The following ZNF676 variants were observed in gnomAD, a reference collection of about 807,000 sequenced individuals.
ZNF676 encodes the protein zinc finger protein 676.
Under a neutral mutation model 6.0 loss-of-function variants are expected in ZNF676, and 4 were observed. That is an observed-to-expected ratio of 0.67 (90% confidence interval 0.33 to 1.53). The LOEUF (loss-of-function observed/expected upper bound fraction) is 1.53. ZNF676 is among the 40% of genes most tolerant of loss of function. ZNF676 has a pLI of 0.06. For synonymous variants in ZNF676, 198 were observed against 223.1 expected (o/e 0.89, Z 1.00); for missense variants, 644 against 679.7 (o/e 0.95, Z 0.58).
rs1345612900 is a variant in ZNF676 at position 22,191,363 on chromosome 19, A to T, written c.130+1653T>A. On this transcript the variant is annotated intron_variant, in intron 2 of 2. Coordinates refer to ENST00000397121, the MANE Select transcript of ZNF676 (RefSeq NM_001001411.3). The stretch of plus-strand genomic sequence containing the variant: ...TGAACTTACTCTGTAACCATCCCAA[A>T]CTCCTCCCAGCCACAGTCTGTGAGA... Among the ~76,000 whole-genome samples, 4 of 151,668 alleles carry T rather than the reference A, an allele frequency of 2.6e-5. No individual in the cohort carries two copies. In the East Asian group the frequency reaches 7.8e-4, roughly 30 times the overall value.
the ZNF676 span, among the ~76,000 whole-genome samples, chr19:22,251,354 A>G: frequency 1.3e-5 from 2 of 152,216 alleles, no homozygotes; most frequent in Admixed American, 1.3e-4. Flanking sequence ...GAACTATGGT[A>G]CACCTGTTGT....
intron 2 of ZNF676, among the ~76,000 whole-genome samples, chr19:22,186,898 C>G (rs1355799642): frequency 2.6e-5 from 4 of 152,098 alleles, no homozygotes; most frequent in African/African-American, 9.7e-5. Flanking sequence ...TCTTAAAGAC[C>G]TACAAAGAAA....
chr19:22,252,376 C>T, the ZNF676 span, among the ~76,000 whole-genome samples: 1 of 128,006 alleles, frequency 7.8e-6, no homozygotes, highest in Non-Finnish European at 1.6e-5. Flanking sequence ...GCCTGGGCAA[C>T]AGAGTGAGAC....
At chr19:22,235,806 A>G in the ZNF676 span, among the ~76,000 whole-genome samples, 1 of 152,116 alleles carries the variant, frequency 6.6e-6, no homozygotes, top group Admixed American at 6.6e-5. Context: ...GTAAAGGTGT[A>G]TTGCTGGCCT....
Position 22,179,719 on chromosome 19 carries a change from T to G in ZNF676, c.*231A>C. On this transcript the variant is annotated 3_prime_UTR_variant, in exon 3 of 3. Coordinates refer to ENST00000397121, the MANE Select transcript of ZNF676 (RefSeq NM_001001411.3). ...GCATTTGTAGGGTTTCTCTCCAGTA[T>G]GAATTCTCTTATGTTCCACAAGGTT... 1.3e-6 allele frequency: 1 copy of G among 747,344 alleles called. No homozygotes were observed. The highest frequency in any genetic ancestry group is 2.4e-6 in the Non-Finnish European group (1 of 412,096). The allele number at this position is 747,344 out of a possible 1,614,324, so 46.3% of individuals were successfully genotyped here. A position where few individuals can be genotyped will look rare whatever the true frequency, so the allele number is the denominator to read the frequency against.
the ZNF676 span, among the ~76,000 whole-genome samples, chr19:22,251,459 C>T: frequency 6.6e-6 from 1 of 152,062 alleles, no homozygotes; most frequent in Admixed American, 6.6e-5. Flanking sequence ...TCTCTGACTG[C>T]AGCTCAAAAG....
At chr19:22,191,660 T>C (rs1449048948) in intron 2 of ZNF676, among the ~76,000 whole-genome samples, 1 of 152,170 alleles carries the variant, frequency 6.6e-6, no homozygotes, top group Non-Finnish European at 1.5e-5. Flanking sequence ...CCCTAGCGTC[T>C]ACCCTACTGA....
the ZNF676 span, among the ~76,000 whole-genome samples, chr19:22,258,769 C>A: frequency 6.6e-6 from 1 of 152,098 alleles, no homozygotes; most frequent in African/African-American, 2.4e-5. Context: ...AGATTCCCAT[C>A]ACCTAGGTCC....
At chr19:22,215,889 T>C (rs1261284564), upstream of ZNF676, among the ~76,000 whole-genome samples, 3 of 150,960 alleles carry the variant, frequency 2.0e-5, no homozygotes, top group Non-Finnish European at 4.4e-5. Flanking sequence ...AGGCCCTGAG[T>C]GACAGAAGAT....
At chr19:22,224,142 T>C in the ZNF676 span, among the ~76,000 whole-genome samples, 1 of 149,724 alleles carries the variant, frequency 6.7e-6, no homozygotes, top group Non-Finnish European at 1.5e-5. Flanking sequence ...AGTCAAATAT[T>C]GTAGTTATCT....
chr19:22,247,188 T>C, the ZNF676 span, among the ~76,000 whole-genome samples: 1 of 152,034 alleles, frequency 6.6e-6, no homozygotes, highest in Non-Finnish European at 1.5e-5. Context: ...CAGTACAGTC[T>C]CTCCTAAGAC....
At chr19:22,208,279 C>CAA (rs59454778) in intron 1 of ZNF676, among the ~76,000 whole-genome samples, 1,568 of 143,180 alleles carry the variant, frequency 0.011, 12 homozygotes, top group Non-Finnish European at 0.015. Flanking sequence ...AAAAGAAGAC[C>CAA]AAAAAAAAAA....
intron 1 of ZNF676, among the ~76,000 whole-genome samples, chr19:22,212,126 G>A (rs1436809683): frequency 2.7e-5 from 4 of 150,024 alleles, no homozygotes; most frequent in African/African-American, 7.4e-5. Flanking sequence ...TGTGAACCTG[G>A]GAGGCGAAGC....
At chr19:22,211,940 C>T (rs1324270795) in intron 1 of ZNF676, among the ~76,000 whole-genome samples, 1 of 152,068 alleles carries the variant, frequency 6.6e-6, no homozygotes, top group East Asian at 1.9e-4. Context: ...TGGCTCACAC[C>T]TGTAATCTCA....
At chr19:22,254,006 G>A in the ZNF676 span, among the ~76,000 whole-genome samples, 2 of 152,104 alleles carry the variant, frequency 1.3e-5, no homozygotes, top group Non-Finnish European at 2.9e-5. Flanking sequence ...GCTGGTTTGA[G>A]GTATAAGAGC....
chr19:22,253,353 GGTGTGTGTGTGTGTGTGT>G, the ZNF676 span, among the ~76,000 whole-genome samples: 30,237 of 106,246 alleles, frequency 0.28, 4,023 homozygotes, highest in South Asian at 0.44. Context: ...TATGATAATG[GGTGTGTGTGTGTGTGTGT>G]GTATATATAT....
chr19:22,259,106 T>A, the ZNF676 span, among the ~76,000 whole-genome samples: 1 of 152,288 alleles, frequency 6.6e-6, no homozygotes, highest in South Asian at 2.1e-4. Flanking sequence ...CCCATACGGA[T>A]TCACTGCCAG....
chr19:22,235,009 A>G, the ZNF676 span, among the ~76,000 whole-genome samples: 1 of 120,004 alleles, frequency 8.3e-6, no homozygotes, highest in Non-Finnish European at 1.7e-5. Context: ...AGAAAGAAAG[A>G]AAGAAAGAAA....
the ZNF676 span, chr19:22,245,298 A>C: frequency 6.6e-6 from 1 of 152,120 alleles, no homozygotes; most frequent in African/African-American, 2.4e-5. Flanking sequence ...GGGTACAAAA[A>C]CAAGGCAGAA....
Sources: gnomAD v4.1 joint callset for allele counts (sites outside exome capture counted in the v4.1 genomes callset) on GRCh38, gnomAD v4.1.1 for gene constraint, MANE v1.5 for transcripts, NCBI Gene and HGNC (gene_info 2026-07-23, HGNC 2026-07-21) for gene names.